The following THSD7B variants were observed in gnomAD, a reference collection of about 807,000 sequenced individuals.
The protein encoded by THSD7B is thrombospondin type-1 domain-containing protein 7B.
Under a neutral mutation model 213.6 loss-of-function variants are expected in THSD7B, and 138 were observed. The observed-to-expected ratio is 0.65, with a 90% CI of 0.56 to 0.74. The LOEUF is 0.74. Ranked by LOEUF, THSD7B falls within the 30% of genes least tolerant of loss-of-function variation. The pLI, the probability that THSD7B is intolerant of heterozygous loss-of-function variation, is 0.00. For missense variants in THSD7B, 1,931 were observed against 1,991.5 expected, an observed-to-expected ratio of 0.97 and a Z score of 0.58; for synonymous variants, 742 against 687.0, an observed-to-expected ratio of 1.08 and a Z score of -1.25.
intron 12 of THSD7B, among the ~76,000 whole-genome samples, chr2:137,355,673 A>G (rs1215613680): frequency 1.3e-5 from 2 of 152,112 alleles, no homozygotes; most frequent in Non-Finnish European, 2.9e-5. Flanking sequence ...TAGTCACACC[A>G]TTTACTTTTC....
intron 7 of THSD7B, among the ~76,000 whole-genome samples, chr2:137,178,488 G>A (rs985242403): frequency 1.3e-5 from 2 of 152,164 alleles, no homozygotes; most frequent in Non-Finnish European, 1.5e-5. Context: ...TGCTGTTCAC[G>A]CTACAGGAAT....
In THSD7B at chr2:137,676,830, G is replaced by A. The variant is rs529996031; in HGVS notation, c.*225G>A. The A allele has an allele frequency of 3.4e-5, 13 of 380,482 alleles. No individual in the cohort carries two copies. Among genetic ancestry groups the A allele is most frequent in the African/African-American group, 1.5e-4 (7 of 47,532 alleles). The allele number at this position is 380,482 out of a possible 1,614,324, so 23.6% of individuals were successfully genotyped here. On this transcript the variant is annotated 3_prime_UTR_variant, in exon 28 of 28. Coordinates refer to ENST00000409968, the MANE Select transcript of THSD7B (RefSeq NM_001316349.2). ...GTTTGTGGGTGTGTTTTATTTTTTT[G>A]GTTTTCCCAAGGGACCTGAAAACCC...
rs56716402 is a variant in THSD7B at position 136,844,462 on chromosome 2, CAGAGAGAG to C, written c.-35-37656_-35-37649del. Among the ~76,000 whole-genome samples, 49 of 142,616 alleles carry C rather than the reference CAGAGAGAG, an allele frequency of 3.4e-4. 1 individual carries two copies. Among genetic ancestry groups the C allele is most frequent in the African/African-American group, 8.6e-4 (33 of 38,440 alleles). The allele number at this position is 142,616 out of a possible 152,430, so 93.6% of individuals were successfully genotyped here. On this transcript the variant is annotated intron_variant, in intron 1 of 27. Transcript: ENST00000409968. ...ACCAAGGAGGAGAGGCCACCCAAAACAGAGAGAGAGAGAGAGAGAGAGAGAGAGAGAGA... is the reference window on the plus strand; with the variant it reads ...ACCAAGGAGGAGAGGCCACCCAAAACAGAGAGAGAGAGAGAGAGAGAGAGA...
chr2:136,828,186 A>T lies in THSD7B; in HGVS notation c.-35-53958A>T, dbSNP rs185010958. 3.9e-4 allele frequency among the ~76,000 whole-genome samples: 59 copies of T among 152,276 alleles called. 1 individual carries two copies. The East Asian group carries it at 9.3e-3, about 24-fold the overall frequency. On this transcript the variant is annotated intron_variant, in intron 1 of 27. Transcript: ENST00000409968. The stretch of plus-strand genomic sequence containing the variant: ...GAATAATCTTCATGTTTCTAAACTC[A>T]AAAGCCCCATCTTAACCTCTCTAGA...
intron 2 of THSD7B, among the ~76,000 whole-genome samples, chr2:137,005,063 G>A (rs745961617): frequency 4.6e-5 from 7 of 152,140 alleles, no homozygotes; most frequent in Non-Finnish European, 8.8e-5. Flanking sequence ...CTACTGCTCT[G>A]AAAATTATAA....
At chr2:137,241,258 G>A (rs541554067) in intron 9 of THSD7B, among the ~76,000 whole-genome samples, 4 of 152,176 alleles carry the variant, frequency 2.6e-5, no homozygotes, top group Non-Finnish European at 4.4e-5. Context: ...TGAAACTTAT[G>A]GGAAACAGAA....
intron 1 of THSD7B, among the ~76,000 whole-genome samples, chr2:136,822,402 T>G (rs542511576): frequency 4.9e-4 from 75 of 152,340 alleles, no homozygotes; most frequent in African/African-American, 1.8e-3. Flanking sequence ...GCTGCTGGTG[T>G]TGTGATCACC....
At chr2:137,548,446 C>T (rs767622570) in intron 15 of THSD7B, among the ~76,000 whole-genome samples, 1 of 151,948 alleles carries the variant, frequency 6.6e-6, no homozygotes, top group Non-Finnish European at 1.5e-5. Flanking sequence ...CAATGTCCTC[C>T]TTTCTCAGCC....
At chr2:137,474,703 A>G (rs186749844) in intron 15 of THSD7B, among the ~76,000 whole-genome samples, 15 of 152,308 alleles carry the variant, frequency 9.8e-5, no homozygotes, top group African/African-American at 3.6e-4. Context: ...CATGGAATCC[A>G]ATAGTCGTCC....
chr2:137,075,539 C>G (rs1237296685), intron 3 of THSD7B, among the ~76,000 whole-genome samples: 1 of 152,116 alleles, frequency 6.6e-6, no homozygotes, highest in Non-Finnish European at 1.5e-5. Context: ...GAATTTCCTC[C>G]TGTAGCTCGG....
At chr2:137,560,620 G>A (rs1681092207) in intron 15 of THSD7B, among the ~76,000 whole-genome samples, 1 of 152,064 alleles carries the variant, frequency 6.6e-6, no homozygotes, top group African/African-American at 2.4e-5. Context: ...TAAATGACGA[G>A]CTAATGGGTG....
intron 15 of THSD7B, among the ~76,000 whole-genome samples, chr2:137,455,537 C>G (rs1003346212): frequency 6.6e-6 from 1 of 152,158 alleles, no homozygotes; most frequent in Non-Finnish European, 1.5e-5. Flanking sequence ...ATAAAAGCCT[C>G]CTTTTTAAAC....
At chr2:136,990,658 A>G (rs1018341225) in intron 2 of THSD7B, among the ~76,000 whole-genome samples, 6 of 152,178 alleles carry the variant, frequency 3.9e-5, no homozygotes, top group African/African-American at 1.2e-4. Context: ...ATTTCATAGG[A>G]CATTTACTGT....
chr2:137,231,310 A>T, intron 8 of THSD7B, 75 bp downstream of exon 8: 2 of 1,391,800 alleles, frequency 1.4e-6, no homozygotes, highest in Admixed American at 2.2e-5. Context: ...GGTGATAGAG[A>T]AGTTTATATG....
intron 1 of THSD7B, among the ~76,000 whole-genome samples, chr2:136,812,578 T>A (rs2104931218): frequency 6.6e-6 from 1 of 152,332 alleles, no homozygotes; most frequent in South Asian, 2.1e-4. Context: ...ATCACCATGC[T>A]AAATACTTTA....
At chr2:137,324,971 G>A (rs1331676158) in intron 12 of THSD7B, among the ~76,000 whole-genome samples, 1 of 152,162 alleles carries the variant, frequency 6.6e-6, no homozygotes. Context: ...ATACTTAACT[G>A]CATTCAACTG....
At chr2:137,452,821 G>T (rs1260579522) in intron 15 of THSD7B, among the ~76,000 whole-genome samples, 1 of 152,150 alleles carries the variant, frequency 6.6e-6, no homozygotes, top group East Asian at 1.9e-4. Flanking sequence ...TTGGGTGCCT[G>T]TTGTGACTTA....
At chr2:137,431,335 G>T (rs1321599198) in intron 14 of THSD7B, among the ~76,000 whole-genome samples, 1 of 152,204 alleles carries the variant, frequency 6.6e-6, no homozygotes, top group Non-Finnish European at 1.5e-5. Flanking sequence ...TAAGATAAAA[G>T]ATTGTAGAGA....
chr2:137,314,591 T>A (rs1180299232), intron 12 of THSD7B, among the ~76,000 whole-genome samples: 1 of 152,266 alleles, frequency 6.6e-6, no homozygotes, highest in Non-Finnish European at 1.5e-5. Flanking sequence ...CTCTGCTTTT[T>A]AGAGTTTCCA....
Sources: allele counts gnomAD v4.1 joint callset (sites outside exome capture counted in the v4.1 genomes callset), GRCh38; gene constraint gnomAD v4.1.1; transcripts MANE v1.5; gene names NCBI Gene and HGNC (gene_info 2026-07-23, HGNC 2026-07-21).